The following GALNT13 variants were observed in gnomAD, a reference collection of about 807,000 sequenced individuals.
The protein encoded by GALNT13 is polypeptide N-acetylgalactosaminyltransferase 13.
Under a neutral mutation model 64.2 loss-of-function variants are expected in GALNT13, and 28 were observed. That is an observed-to-expected ratio of 0.44 (90% CI 0.32 to 0.60). GALNT13 has a LOEUF of 0.60. GALNT13 is among the 20% of genes least tolerant of loss of function. The probability of loss-of-function intolerance (pLI) is 0.05; values close to 1 mark genes in which losing one functional copy is unlikely to be tolerated. For synonymous variants in GALNT13, 214 were observed against 224.6 expected (o/e 0.95, Z 0.42); for missense variants, 577 against 669.8 (o/e 0.86, Z 1.53).
chr2:154,000,189 A>G (rs1392023883), intron 3 of GALNT13, among the ~76,000 whole-genome samples: 2 of 151,580 alleles, frequency 1.3e-5, no homozygotes, highest in African/African-American at 4.9e-5. Flanking sequence ...TTCATCTCTG[A>G]TTTTATTTAG....
At chr2:153,928,592 C>G (rs1211524367) in intron 2 of GALNT13, among the ~76,000 whole-genome samples, 1 of 152,022 alleles carries the variant, frequency 6.6e-6, no homozygotes, top group Non-Finnish European at 1.5e-5. Flanking sequence ...GAACACTGAG[C>G]AGTCATTAAA....
At chr2:154,359,546 G>A (rs537861773) in intron 9 of GALNT13, among the ~76,000 whole-genome samples, 149 of 152,186 alleles carry the variant, frequency 9.8e-4, no homozygotes, top group African/African-American at 3.5e-3. Context: ...CGAGGCAAAG[G>A]TGAGACTTAC....
At chr2:154,266,655 A>T (rs927045671) in intron 8 of GALNT13, among the ~76,000 whole-genome samples, 1 of 151,988 alleles carries the variant, frequency 6.6e-6, no homozygotes, top group Non-Finnish European at 1.5e-5. Flanking sequence ...AGTAGACTCA[A>T]TATGATATTA....
the GALNT13 span, among the ~76,000 whole-genome samples, chr2:153,785,038 C>T: frequency 6.6e-6 from 1 of 152,192 alleles, no homozygotes; most frequent in East Asian, 1.9e-4. Flanking sequence ...AGGTCTACAA[C>T]CACCCTCATC....
chr2:153,574,129 G>GTT, the GALNT13 span, among the ~76,000 whole-genome samples: 30 of 140,488 alleles, frequency 2.1e-4, no homozygotes, highest in African/African-American at 7.5e-4. Context: ...GTAAGGTAAA[G>GTT]TTTTTTTTTT....
chr2:153,792,970 CTTTT>C, the GALNT13 span, among the ~76,000 whole-genome samples: 1 of 132,254 alleles, frequency 7.6e-6, no homozygotes, highest in African/African-American at 2.7e-5. Flanking sequence ...TTCTTTCTTT[CTTTT>C]TTTTTTTTTT....
At chr2:153,075,090 AACC>A in the GALNT13 span, among the ~76,000 whole-genome samples, 1 of 152,148 alleles carries the variant, frequency 6.6e-6, no homozygotes, top group Non-Finnish European at 1.5e-5. Context: ...TAGGTTTCTG[AACC>A]GTTTTAGTAG....
intron 4 of GALNT13, among the ~76,000 whole-genome samples, chr2:154,212,189 A>G (rs1687809794): frequency 6.6e-6 from 1 of 152,090 alleles, no homozygotes; most frequent in African/African-American, 2.4e-5. Context: ...AATGTGTACA[A>G]AATGTTTTGT....
chr2:154,424,188 A>T (rs2105432117), intron 11 of GALNT13, among the ~76,000 whole-genome samples: 1 of 152,254 alleles, frequency 6.6e-6, no homozygotes. Context: ...TGGAAAACCT[A>T]ATGAAATCTG....
chr2:153,851,479 T>C, the GALNT13 span, among the ~76,000 whole-genome samples: 1 of 151,622 alleles, frequency 6.6e-6, no homozygotes, highest in Non-Finnish European at 1.5e-5. Flanking sequence ...GGTTGAAGGA[T>C]GACTTGAGGC....
chr2:153,878,068 G>A (rs1206520855), intron 1 of GALNT13, among the ~76,000 whole-genome samples: 1 of 152,036 alleles, frequency 6.6e-6, no homozygotes, highest in African/African-American at 2.4e-5. Context: ...TTCACTGACT[G>A]ATAATTTAAA....
At chr2:153,093,536 G>A in the GALNT13 span, among the ~76,000 whole-genome samples, 19 of 152,234 alleles carry the variant, frequency 1.2e-4, no homozygotes, top group African/African-American at 4.1e-4. Context: ...ACCGTGTGTG[G>A]CTGATGAAGG....
intron 3 of GALNT13, among the ~76,000 whole-genome samples, chr2:154,016,832 G>A (rs1202902708): frequency 6.6e-6 from 1 of 152,136 alleles, no homozygotes; most frequent in East Asian, 1.9e-4. Context: ...ATCAATAATT[G>A]AATGTTAAAA....
chr2:154,259,005 G>GTT lies in GALNT13; in HGVS notation c.858-9_858-8dup. On this transcript the variant is annotated splice_polypyrimidine_tract_variant and intron_variant, in intron 7 of 12. Coordinates refer to ENST00000392825, the MANE Select transcript of GALNT13 (RefSeq NM_052917.4). ...TTTCAAAAGATATTCTTTTCTTTTT[G>GTT]TTTTTTTTCAACTAGGACCCCTACT... 7.6e-7 allele frequency: 1 copy of GTT among 1,317,816 alleles called. No homozygotes were observed. Among genetic ancestry groups the GTT allele is most frequent in the Non-Finnish European group, 1.1e-6 (1 of 916,358 alleles). 81.6% of individuals were successfully genotyped at this position (1,317,816 alleles called of 1,614,324 possible).
At chr2:154,075,025 A>G (rs577851432) in intron 3 of GALNT13, among the ~76,000 whole-genome samples, 12 of 152,008 alleles carry the variant, frequency 7.9e-5, no homozygotes, top group South Asian at 2.1e-4. Flanking sequence ...CTTCTATTCA[A>G]CATAGTACTG....
the GALNT13 span, among the ~76,000 whole-genome samples, chr2:153,384,138 C>A: frequency 6.6e-6 from 1 of 151,982 alleles, no homozygotes; most frequent in Non-Finnish European, 1.5e-5. Flanking sequence ...CTTCTCTCTC[C>A]ACTCCTCCCT....
At chr2:154,218,757 A>G (rs1241360924) in intron 4 of GALNT13, among the ~76,000 whole-genome samples, 2 of 151,898 alleles carry the variant, frequency 1.3e-5, no homozygotes, top group Non-Finnish European at 2.9e-5. Flanking sequence ...TGCCTTTCAT[A>G]CCTTAAACAT....
the GALNT13 span, among the ~76,000 whole-genome samples, chr2:153,484,981 A>G: frequency 6.6e-6 from 1 of 152,328 alleles, no homozygotes; most frequent in African/African-American, 2.4e-5. Context: ...GCATAACCCC[A>G]GAAAGACTGT....
intron 2 of GALNT13, among the ~76,000 whole-genome samples, chr2:153,934,794 T>A (rs1219793335): frequency 6.6e-6 from 1 of 152,154 alleles, no homozygotes; most frequent in Admixed American, 6.6e-5. Context: ...TAATAAACAT[T>A]TTTCAATATT....
Sources: allele counts gnomAD v4.1 joint callset (sites outside exome capture counted in the v4.1 genomes callset), GRCh38; gene constraint gnomAD v4.1.1; transcripts MANE v1.5; gene names NCBI Gene and HGNC (gene_info 2026-07-23, HGNC 2026-07-21).